Variants in SEMA3E observed in about 807,000 individuals in gnomAD.
SEMA3E encodes the protein semaphorin-3E.
Under a neutral mutation model 93.6 loss-of-function variants are expected in SEMA3E, and 49 were observed. The ratio of observed to expected loss-of-function variants is 0.52; its 90% CI spans 0.42 to 0.66. The LOEUF (loss-of-function observed/expected upper bound fraction) is 0.66. Ranked by LOEUF, SEMA3E falls within the 30% of genes least tolerant of loss-of-function variation. SEMA3E has a pLI of 0.00. For missense variants in SEMA3E, 906 were observed against 964.8 expected, an observed-to-expected ratio of 0.94 and a Z score of 0.81; for synonymous variants, 363 against 330.7, an observed-to-expected ratio of 1.10 and a Z score of -1.06.
At chr7:83,475,232 T>C (rs1307704955) in intron 2 of SEMA3E, among the ~76,000 whole-genome samples, 1 of 152,166 alleles carries the variant, frequency 6.6e-6, no homozygotes, top group Non-Finnish European at 1.5e-5. Flanking sequence ...CTTTAAACTT[T>C]AGTTTTACTG....
intron 1 of SEMA3E, among the ~76,000 whole-genome samples, chr7:83,515,796 G>A (rs920887613): frequency 1.3e-5 from 2 of 152,162 alleles, no homozygotes; most frequent in Non-Finnish European, 2.9e-5. Flanking sequence ...GGGAGGCCGA[G>A]GCAGATGGAT....
chr7:83,439,332 G>A lies in SEMA3E; in HGVS notation c.457-20849C>T, dbSNP rs1287164242. Among the ~76,000 whole-genome samples the A allele has an allele frequency of 3.9e-5, 6 of 152,286 alleles. No homozygotes were observed. In the East Asian group the frequency reaches 5.8e-4, roughly 15 times the overall value. On this transcript the variant is annotated intron_variant, in intron 4 of 16. Coordinates refer to ENST00000643230, the MANE Select transcript of SEMA3E (RefSeq NM_012431.3). ...ACTGGACAGCTGCGAGGGAAAGGACGCTTTCTCTAACAGCCGATTTGTTAT... is the reference window on the plus strand; with the variant it reads ...ACTGGACAGCTGCGAGGGAAAGGACACTTTCTCTAACAGCCGATTTGTTAT...
At chr7:83,619,904 C>CAGACAGATAGAT (rs71522672) in intron 1 of SEMA3E, among the ~76,000 whole-genome samples, 2,610 of 148,128 alleles carry the variant, frequency 0.018, 24 homozygotes, top group South Asian at 0.022. Flanking sequence ...GATAGATAGA[C>CAGACAGATAGAT]AGATAGATAG....
In SEMA3E at chr7:83,390,293, CTA is replaced by C. The variant is rs143343689; in HGVS notation, c.1667+2260_1667+2261del. 7.0e-4 allele frequency among the ~76,000 whole-genome samples: 100 copies of C among 141,850 alleles called. 1 individual carries two copies. The highest frequency in any genetic ancestry group is 1.4e-3 in the African/African-American group (46 of 33,506). The allele number at this position is 141,850 out of a possible 152,430, so 93.1% of individuals were successfully genotyped here. A position where few individuals can be genotyped will look rare whatever the true frequency, so the allele number is the denominator to read the frequency against. On this transcript the variant is annotated intron_variant, in intron 14 of 16. Transcript: ENST00000643230. ...TATATGTGTATATTACATATTTACA[CTA>C]TATATATATGGAGAAGTTTCAGAAA...
In SEMA3E at chr7:83,632,193, C is replaced by T. The variant is rs1793800430; in HGVS notation, c.115+16235G>A. Among the ~76,000 whole-genome samples the T allele has an allele frequency of 2.6e-5, 4 of 151,672 alleles. No individual in the cohort carries two copies. The South Asian group carries it at 8.3e-4, about 32-fold the overall frequency. Reference sequence around the variant, plus strand: ...AAAAGTCATTGGTTAACAGCACCACCACTATTCTGTAAACAAAGCAAGCAT... The same window carrying T: ...AAAAGTCATTGGTTAACAGCACCACTACTATTCTGTAAACAAAGCAAGCAT... On this transcript the variant is annotated intron_variant, in intron 1 of 16. Transcript: ENST00000643230.
rs1351928902 is a variant in SEMA3E at position 83,563,619 on chromosome 7, A to G, written c.116-73345T>C. Among the ~76,000 whole-genome samples the G allele has an allele frequency of 2.6e-5, 4 of 152,186 alleles. No individual in the cohort carries two copies. The East Asian group carries it at 7.7e-4, about 29-fold the overall frequency. On this transcript the variant is annotated intron_variant, in intron 1 of 16. Coordinates refer to ENST00000643230, the MANE Select transcript of SEMA3E (RefSeq NM_012431.3). ...TTGTATCAATATTCTGATGCATGCC[A>G]AAGGTGAGAGCCCCTGCTCTTATGC...
intron 16 of SEMA3E, among the ~76,000 whole-genome samples, chr7:83,369,061 C>T (rs966618006): frequency 1.3e-5 from 2 of 152,166 alleles, no homozygotes; most frequent in African/African-American, 2.4e-5. Context: ...TACCTTTCTA[C>T]TATACATTCA....
At chr7:83,618,091 C>T (rs927900797) in intron 1 of SEMA3E, among the ~76,000 whole-genome samples, 2 of 152,120 alleles carry the variant, frequency 1.3e-5, no homozygotes, top group Non-Finnish European at 2.9e-5. Context: ...ATGGCACCAG[C>T]ATTGGGAGTG....
At chr7:83,635,931 A>T (rs1432750860) in intron 1 of SEMA3E, among the ~76,000 whole-genome samples, 1 of 151,508 alleles carries the variant, frequency 6.6e-6, no homozygotes, top group African/African-American at 2.4e-5. Flanking sequence ...CTGAAAAAAA[A>T]CAAAGATGGG....
At chr7:83,531,335 A>G (rs2115726665) in intron 1 of SEMA3E, among the ~76,000 whole-genome samples, 1 of 84,932 alleles carries the variant, frequency 1.2e-5, no homozygotes, top group Admixed American at 1.3e-4. Context: ...TCTTGATTGG[A>G]ATATTCTTTT....
intron 1 of SEMA3E, among the ~76,000 whole-genome samples, chr7:83,596,227 C>T (rs1374825076): frequency 6.6e-6 from 1 of 151,936 alleles, no homozygotes; most frequent in Non-Finnish European, 1.5e-5. Context: ...TCAGGTTGGT[C>T]CCTATGTTCT....
intron 2 of SEMA3E, 26 bp from the exon 3 acceptor site, chr7:83,469,328 A>G (rs1789841326): frequency 1.3e-6 from 2 of 1,484,424 alleles, no homozygotes; most frequent in African/African-American, 2.8e-5. Context: ...ATGTACTATT[A>G]TGACAACTGC....
intron 16 of SEMA3E, among the ~76,000 whole-genome samples, chr7:83,382,088 C>T (rs1437982110): frequency 6.6e-6 from 1 of 152,006 alleles, no homozygotes; most frequent in Non-Finnish European, 1.5e-5. Context: ...AGAACTTCTG[C>T]TATAAGCAGT....
In SEMA3E at chr7:83,637,601, G is replaced by A. The variant is rs186467513; in HGVS notation, c.115+10827C>T. Among the ~76,000 whole-genome samples the A allele has an allele frequency of 2.6e-5, 4 of 152,036 alleles. No individual in the cohort carries two copies. The East Asian group carries it at 5.8e-4, about 22-fold the overall frequency. ...TCTTCTGACAGTGTGTGAGTTCTCG[G>A]GAGATCTGATGGTTTTATAAGGGGC... On this transcript the variant is annotated intron_variant, in intron 1 of 16. Coordinates refer to ENST00000643230, the MANE Select transcript of SEMA3E (RefSeq NM_012431.3).
intron 1 of SEMA3E, among the ~76,000 whole-genome samples, chr7:83,553,700 CAAAAATTAACATTTTGTTT>C (rs1404991264): frequency 6.6e-6 from 1 of 151,934 alleles, no homozygotes; most frequent in African/African-American, 2.4e-5. Context: ...TATTTTTGTT[CAAAAATTAACATTTTGTTT>C]AAGATTTTCT....
intron 1 of SEMA3E, among the ~76,000 whole-genome samples, chr7:83,527,746 T>C (rs17446184): frequency 0.15 from 23,129 of 149,820 alleles, 2,339 homozygotes; most frequent in Middle Eastern, 0.35. Flanking sequence ...CAGAATCATA[T>C]ATATTGTCAA....
At chr7:83,498,386 T>C (rs1278520610) in intron 1 of SEMA3E, among the ~76,000 whole-genome samples, 1 of 152,210 alleles carries the variant, frequency 6.6e-6, no homozygotes, top group Non-Finnish European at 1.5e-5. Context: ...TATAATTCTA[T>C]AAATATAACA....
intron 1 of SEMA3E, among the ~76,000 whole-genome samples, chr7:83,632,579 C>T (rs541405563): frequency 7.2e-5 from 11 of 152,272 alleles, no homozygotes; most frequent in East Asian, 3.9e-4. Context: ...CCTTGCCTTC[C>T]GCCATGATAG....
chr7:83,611,562 C>T (rs545673752), intron 1 of SEMA3E, among the ~76,000 whole-genome samples: 254 of 151,380 alleles, frequency 1.7e-3, no homozygotes, highest in African/African-American at 5.9e-3. Context: ...GAAATGACAG[C>T]TTCAATCTTC....
Sources: allele counts gnomAD v4.1 joint callset (sites outside exome capture counted in the v4.1 genomes callset), GRCh38; gene constraint gnomAD v4.1.1; transcripts MANE v1.5; gene names NCBI Gene and HGNC (gene_info 2026-07-23, HGNC 2026-07-21).